Variants in STPG1 observed in about 807,000 individuals in gnomAD.
STPG1 encodes sperm tail PG-rich repeat containing 1, also known as O(6)-methylguanine-induced apoptosis 2.
In STPG1, 33 loss-of-function variants were observed where a neutral mutation model predicts 40.1. That is an observed-to-expected ratio of 0.82 (90% confidence interval 0.62 to 1.10). The LOEUF (loss-of-function observed/expected upper bound fraction) is 1.10. STPG1 is among the 50% of genes least tolerant of loss of function. The pLI, the probability that STPG1 is intolerant of heterozygous loss-of-function variation, is 0.00. For missense variants in STPG1, 396 were observed against 415.1 expected (o/e 0.95, Z 0.40); for synonymous variants, 150 against 155.0 (o/e 0.97, Z 0.24).
chr1:24,376,670 G>A (rs924705241), intron 5 of STPG1, among the ~76,000 whole-genome samples: 12 of 152,104 alleles, frequency 7.9e-5, no homozygotes, highest in Non-Finnish European at 1.3e-4. Flanking sequence ...ACAGTGATTC[G>A]GGGAGAATGG....
chr1:24,407,511 G>A (rs1246035169), intron 1 of STPG1, among the ~76,000 whole-genome samples: 6 of 148,396 alleles, frequency 4.0e-5, no homozygotes, highest in African/African-American at 1.3e-4. Flanking sequence ...GCGCAATCTC[G>A]GCTCACTGCA....
chr1:24,376,480 G>A (rs566926229), intron 5 of STPG1, among the ~76,000 whole-genome samples: 7 of 151,908 alleles, frequency 4.6e-5, no homozygotes, highest in Admixed American at 3.9e-4. Context: ...AAAAACATGC[G>A]CCTAAATGTA....
chr1:24,383,166 G>T lies in STPG1; in HGVS notation c.291+736C>A, dbSNP rs148651620. Among the ~76,000 whole-genome samples the T allele has an allele frequency of 2.0e-3, 309 of 152,194 alleles. 1 individual carries two copies. The highest frequency in any genetic ancestry group is 6.8e-3 in the South Asian group (33 of 4,822). ...GGGCTTAAGTGATCTTCCCGCATTG[G>T]CCTTCCGAAATGCTGGCATTATAGG... On this transcript the variant is annotated intron_variant, in intron 4 of 8. Transcript: ENST00000337248.
chr1:24,387,005 T>TCATCAC (rs1211274716), intron 3 of STPG1, among the ~76,000 whole-genome samples: 10 of 152,066 alleles, frequency 6.6e-5, no homozygotes, highest in African/African-American at 2.2e-4. Flanking sequence ...GCCATCATCA[T>TCATCAC]CATCACCATC....
chr1:24,368,624 A>G (rs7535482), intron 7 of STPG1: 1 of 152,108 alleles, frequency 6.6e-6, no homozygotes, highest in African/African-American at 2.4e-5. Flanking sequence ...CAGGGTAACA[A>G]AAATCCCTGT....
chr1:24,390,381 G>A (rs935561941), intron 3 of STPG1, among the ~76,000 whole-genome samples: 1 of 152,144 alleles, frequency 6.6e-6, no homozygotes, highest in Admixed American at 6.5e-5. Context: ...GGAAGGGGGG[G>A]TGGTGGGTGA....
chr1:24,364,905 A>G (rs1641356357), intron 7 of STPG1, among the ~76,000 whole-genome samples: 1 of 152,264 alleles, frequency 6.6e-6, no homozygotes, highest in Non-Finnish European at 1.5e-5. Flanking sequence ...AAATCACCTA[A>G]GAATAATGAA....
chr1:24,403,865 C>T (rs931406549), intron 1 of STPG1, among the ~76,000 whole-genome samples: 2 of 151,692 alleles, frequency 1.3e-5, no homozygotes, highest in Non-Finnish European at 2.9e-5. Flanking sequence ...TTAGGAATTT[C>T]TACATATATA....
chr1:24,377,473 T>C (rs1054144622), intron 5 of STPG1, among the ~76,000 whole-genome samples: 5 of 152,078 alleles, frequency 3.3e-5, no homozygotes, highest in Admixed American at 2.0e-4. Flanking sequence ...CTCCTTGCTA[T>C]ACCAGGACCT....
chr1:24,409,296 G>C (rs144883991), intron 1 of STPG1, among the ~76,000 whole-genome samples: 1,979 of 152,304 alleles, frequency 0.013, 12 homozygotes, highest in Non-Finnish European at 0.02. Flanking sequence ...AGAGGTCAAG[G>C]CTGCAGTAAG....
chr1:24,375,472 T>A (rs936447232), intron 5 of STPG1, among the ~76,000 whole-genome samples: 3 of 152,122 alleles, frequency 2.0e-5, no homozygotes, highest in Non-Finnish European at 2.9e-5. Context: ...AGGGCCCTAA[T>A]GGCTAGACGG....
chr1:24,377,838 A>G (rs1173091527), intron 5 of STPG1, among the ~76,000 whole-genome samples: 2 of 152,260 alleles, frequency 1.3e-5, no homozygotes, highest in East Asian at 1.9e-4. Context: ...CTGAAGTGCA[A>G]ATGATGCCTT....
chr1:24,403,175 C>T (rs1643291261), intron 1 of STPG1, among the ~76,000 whole-genome samples: 1 of 152,052 alleles, frequency 6.6e-6, no homozygotes, highest in Non-Finnish European at 1.5e-5. Context: ...CATTTTATTG[C>T]ATTTGGAGAT....
intron 6 of STPG1, among the ~76,000 whole-genome samples, 153 bp from the exon 7 acceptor site, chr1:24,369,992 T>A (rs1641660455): frequency 6.6e-6 from 1 of 152,080 alleles, no homozygotes; most frequent in Non-Finnish European, 1.5e-5. Flanking sequence ...CCAAAAACAA[T>A]CCTCACCATG....
intron 4 of STPG1, among the ~76,000 whole-genome samples, chr1:24,382,413 T>C (rs1642326875): frequency 6.6e-6 from 1 of 152,210 alleles, no homozygotes; most frequent in Non-Finnish European, 1.5e-5. Context: ...ATTGCAACGT[T>C]AATTTGCCCA....
intron 4 of STPG1, among the ~76,000 whole-genome samples, chr1:24,380,314 C>A (rs966806670): frequency 2.0e-5 from 3 of 152,192 alleles, no homozygotes; most frequent in African/African-American, 4.8e-5. Context: ...CTACCCTCCA[C>A]CAAATTACTG....
intron 5 of STPG1, among the ~76,000 whole-genome samples, chr1:24,375,981 G>A (rs1289397868): frequency 1.3e-5 from 2 of 152,196 alleles, no homozygotes; most frequent in Non-Finnish European, 2.9e-5. Flanking sequence ...AATACTGGTG[G>A]AGGGACAGAG....
intron 2 of STPG1, among the ~76,000 whole-genome samples, chr1:24,392,988 C>T (rs1642844764): frequency 6.6e-6 from 1 of 152,176 alleles, no homozygotes; most frequent in Non-Finnish European, 1.5e-5. Context: ...TACTCCTTTT[C>T]AGAGCAGGAA....
chr1:24,369,024 T>A (rs1279319642), intron 7 of STPG1: 2 of 189,874 alleles, frequency 1.1e-5, no homozygotes, highest in Non-Finnish European at 2.2e-5. Context: ...TTTTTAATTC[T>A]GAAAGCAAAA....
Sources: allele counts gnomAD v4.1 joint callset (sites outside exome capture counted in the v4.1 genomes callset), GRCh38; gene constraint gnomAD v4.1.1; transcripts MANE v1.5; gene names NCBI Gene and HGNC (gene_info 2026-07-23, HGNC 2026-07-21).